Variants in CDH8 observed in about 807,000 individuals in gnomAD.
CDH8 encodes the protein cadherin 8.
Under a neutral mutation model 68.1 loss-of-function variants are expected in CDH8, and 17 were observed. The observed-to-expected ratio is 0.25, with a 90% CI of 0.17 to 0.37. The LOEUF (loss-of-function observed/expected upper bound fraction) is 0.37, where lower values mean the gene tolerates loss of function less well. CDH8 is among the 10% of genes least tolerant of loss of function. CDH8 has a pLI of 1.00. For missense variants in CDH8, 763 were observed against 999.3 expected (o/e 0.76, Z 3.19); for synonymous variants, 372 against 365.1 (o/e 1.02, Z -0.21).
At chr16:61,936,248 A>G (rs796951923) in intron 2 of CDH8, among the ~76,000 whole-genome samples, 8 of 152,284 alleles carry the variant, frequency 5.3e-5, no homozygotes, top group African/African-American at 1.9e-4. Context: ...CTCCCTGGTA[A>G]GAGAAAAAAA....
At chr16:61,712,731 A>C (rs908113256) in intron 10 of CDH8, among the ~76,000 whole-genome samples, 7 of 151,712 alleles carry the variant, frequency 4.6e-5, no homozygotes, top group Non-Finnish European at 1.0e-4. Flanking sequence ...AGTGGAAGTC[A>C]GCTAAATTAG....
chr16:61,868,482 C>G (rs1203223657), intron 3 of CDH8, among the ~76,000 whole-genome samples: 1 of 152,144 alleles, frequency 6.6e-6, no homozygotes, highest in Non-Finnish European at 1.5e-5. Context: ...GTTTTCTCTA[C>G]TCTTAAAAGG....
At chr16:61,874,872 A>G (rs1375586284) in intron 3 of CDH8, among the ~76,000 whole-genome samples, 4 of 152,174 alleles carry the variant, frequency 2.6e-5, no homozygotes, top group African/African-American at 9.7e-5. Context: ...AGATACAGAG[A>G]GGTTCAACAA....
intron 2 of CDH8, among the ~76,000 whole-genome samples, chr16:61,922,571 A>G (rs1037626420): frequency 6.6e-6 from 1 of 152,192 alleles, no homozygotes; most frequent in Non-Finnish European, 1.5e-5. Flanking sequence ...TAATTTGTAT[A>G]TAAATAATGT....
rs1483944627 is a variant in CDH8, at chr16:61,817,703, A to G, written c.1053T>C (p.Tyr351=). The change falls in exon 7 of 12, where the codon TAT becomes TAC. Residue 351 remains tyrosine, a synonymous_variant. Transcript: ENST00000577390. ...CATTGGCTGCCTCTACCTTTAGCGT[A>G]TAGGATTTTTTGGTCTCAAAGTCCA... The part of the protein sequence containing the change: ...KPLDFETKKS[Y]TLKVEAANVH... 1 of 1,584,168 alleles carries G rather than the reference A, an allele frequency of 6.3e-7. No individual in the cohort carries two copies. The highest frequency in any genetic ancestry group is 8.6e-7 in the Non-Finnish European group (1 of 1,167,104).
intron 2 of CDH8, among the ~76,000 whole-genome samples, chr16:62,007,154 C>A (rs559917826): frequency 1.9e-4 from 29 of 152,134 alleles, no homozygotes; most frequent in African/African-American, 7.0e-4. Context: ...GATCCACCCA[C>A]CTCGGCCTCC....
chr16:61,952,371 T>C (rs1389926123), intron 2 of CDH8, among the ~76,000 whole-genome samples: 1 of 152,204 alleles, frequency 6.6e-6, no homozygotes. Context: ...GTTTTACTTA[T>C]GGCATTTGTG....
intron 2 of CDH8, among the ~76,000 whole-genome samples, chr16:61,972,931 T>C (rs1965369548): frequency 6.6e-6 from 1 of 152,158 alleles, no homozygotes; most frequent in South Asian, 2.1e-4. Context: ...TTATAAGCTT[T>C]TACAAACAGA....
At chr16:61,920,322 C>T (rs1396928988) in intron 2 of CDH8, among the ~76,000 whole-genome samples, 2 of 137,328 alleles carry the variant, frequency 1.5e-5, no homozygotes, top group Non-Finnish European at 3.1e-5. Flanking sequence ...AGGCAACCTA[C>T]AAAATGGGAG....
rs762458282 is a variant in CDH8, at chr16:62,021,384, T to C, written c.20A>G (p.Glu7Gly). The stretch of plus-strand genomic sequence containing the variant: ...TGGAGTCCAGAGATCCAAGAGCATT[T>C]CCGCTAGCCGTTCTGGCATGGTCCC... The part of the protein sequence containing the change: MPERLA[E>G]MLLDLWTPLI... Residue 7 changes from glutamate (E) to glycine (G), a missense_variant, in exon 2 of 12, where the codon GAA (glutamate) becomes GGA (glycine). By Grantham distance (98) the Glu-to-Gly change is moderately conservative (BLOSUM62 -2). This residue lies in a region of CDH8 where 366 missense variants were observed against 563.1 expected (regional missense o/e 0.65). Transcript: ENST00000577390. 19 of 1,610,370 alleles carry C rather than the reference T, an allele frequency of 1.2e-5. No individual in the cohort carries two copies. Among genetic ancestry groups the C allele is most frequent in the Non-Finnish European group, 1.6e-5 (19 of 1,177,316 alleles).
chr16:61,831,738 T>C (rs1439705164), intron 4 of CDH8, among the ~76,000 whole-genome samples: 1 of 151,814 alleles, frequency 6.6e-6, no homozygotes, highest in African/African-American at 2.4e-5. Flanking sequence ...ATTGACTCTT[T>C]TGTCATTTTG....
rs1963246685 is a variant in CDH8, at chr16:61,648,241, T to C, written c.*5367A>G. 1.9e-5 allele frequency: 3 copies of C among 158,972 alleles called. No individual in the cohort carries two copies. The highest frequency in any genetic ancestry group is 3.7e-4 in the South Asian group (2 of 5,362). 9.8% of individuals were successfully genotyped at this position (158,972 alleles called of 1,614,324 possible). A position where few individuals can be genotyped will look rare whatever the true frequency, so the allele number is the denominator to read the frequency against. On this transcript the variant is annotated 3_prime_UTR_variant, in exon 12 of 12. Transcript: ENST00000577390. Reference sequence around the variant, plus strand: ...TTCATTTTTCCTATCCATAAAACACTACAATTTGGCAAACCTAGAGTTTCC... The same window carrying C: ...TTCATTTTTCCTATCCATAAAACACCACAATTTGGCAAACCTAGAGTTTCC...
intron 4 of CDH8, among the ~76,000 whole-genome samples, chr16:61,845,401 A>G (rs1432249178): frequency 1.3e-5 from 2 of 151,860 alleles, no homozygotes; most frequent in African/African-American, 4.8e-5. Flanking sequence ...CAACAATATT[A>G]AAGTTAATGG....
chr16:61,752,220 CTATGACAATAGCA>C, intron 8 of CDH8, among the ~76,000 whole-genome samples: 1 of 152,182 alleles, frequency 6.6e-6, no homozygotes, highest in East Asian at 1.9e-4. Flanking sequence ...ATGAAGTTAG[CTATGACAATAGCA>C]AGGGATGCAT....
At position 61,650,784 on chromosome 16, in the gene CDH8, C is replaced by T. The variant is rs912225779; in HGVS notation, c.*2824G>A. 2 of 151,594 alleles carry T rather than the reference C, an allele frequency of 1.3e-5. No homozygotes were observed. Among genetic ancestry groups the T allele is most frequent in the African/African-American group, 4.9e-5 (2 of 41,184 alleles). 9.4% of individuals were successfully genotyped at this position (151,594 alleles called of 1,614,324 possible). On this transcript the variant is annotated 3_prime_UTR_variant, in exon 12 of 12. Transcript: ENST00000577390. ...GAGATTTTTAGTTTAATTCATGACACTCTAAAAGTATAGGTCAATCTTATT... is the reference window on the plus strand; with the variant it reads ...GAGATTTTTAGTTTAATTCATGACATTCTAAAAGTATAGGTCAATCTTATT...
intron 1 of CDH8, among the ~76,000 whole-genome samples, chr16:62,023,672 G>A (rs774984119): frequency 3.9e-5 from 6 of 152,116 alleles, no homozygotes; most frequent in Non-Finnish European, 8.8e-5. Flanking sequence ...TAAGGTATGA[G>A]GGTGTCACAA....
chr16:61,945,655 A>G (rs891699704), intron 2 of CDH8, among the ~76,000 whole-genome samples: 1 of 152,166 alleles, frequency 6.6e-6, no homozygotes, highest in Non-Finnish European at 1.5e-5. Flanking sequence ...TTCTTTAGGA[A>G]ATCCAAACCC....
At chr16:61,859,547 G>T (rs1963113235) in intron 3 of CDH8, among the ~76,000 whole-genome samples, 1 of 152,166 alleles carries the variant, frequency 6.6e-6, no homozygotes, top group South Asian at 2.1e-4. Context: ...AGGGCCTCCG[G>T]ATTTAATTGG....
At chr16:61,940,197 A>T (rs1199200631) in intron 2 of CDH8, 2 of 152,098 alleles carry the variant, frequency 1.3e-5, no homozygotes, top group Admixed American at 1.3e-4. Flanking sequence ...CTCCTTTGAC[A>T]TCTTTCTTAC....
Sources: allele counts gnomAD v4.1 joint callset (sites outside exome capture counted in the v4.1 genomes callset), GRCh38; gene constraint gnomAD v4.1.1; regional missense constraint gnomAD v4.1.1; transcripts MANE v1.5; gene names NCBI Gene and HGNC (gene_info 2026-07-23, HGNC 2026-07-21).